Variants in RPRD2 observed in about 807,000 individuals in gnomAD.
RPRD2 encodes the protein regulation of nuclear pre-mRNA domain containing 2.
RPRD2 carries 12 observed loss-of-function variants against 104.4 expected under a neutral mutation model. The observed-to-expected ratio is 0.11, with a 90% CI of 0.07 to 0.19. RPRD2 has a LOEUF of 0.19. RPRD2 is among the 10% of genes least tolerant of loss of function. The probability of loss-of-function intolerance (pLI) is 1.00; values close to 1 mark genes in which losing one functional copy is unlikely to be tolerated. For synonymous variants in RPRD2, 714 were observed against 684.9 expected, an observed-to-expected ratio of 1.04 and a Z score of -0.66; for missense variants, 1,543 against 1,790.1, an observed-to-expected ratio of 0.86 and a Z score of 2.49.
chr1:150,384,012 G>A (rs1553881302), intron 1 of RPRD2, among the ~76,000 whole-genome samples: 1 of 152,114 alleles, frequency 6.6e-6, no homozygotes, highest in Non-Finnish European at 1.5e-5. Flanking sequence ...CAAAGTTTAG[G>A]AACTACCAAA....
At chr1:150,394,630 C>T (rs1471989591) in intron 1 of RPRD2, among the ~76,000 whole-genome samples, 3 of 151,364 alleles carry the variant, frequency 2.0e-5, no homozygotes, top group Non-Finnish European at 4.4e-5. Context: ...CTTGCTCTGT[C>T]GCCCAGGCTG....
chr1:150,443,851 A>T (rs1287867275), intron 5 of RPRD2, among the ~76,000 whole-genome samples: 1 of 69,160 alleles, frequency 1.4e-5, no homozygotes, highest in East Asian at 3.3e-4. Flanking sequence ...TAAAAATTAA[A>T]AAAAAAAAAA....
intron 5 of RPRD2, 92 bp from the exon 6 acceptor site, chr1:150,444,159 T>G: frequency 7.6e-7 from 1 of 1,307,886 alleles, no homozygotes. Context: ...TTTGTTTTGT[T>G]TTGTTTTGTT....
intron 7 of RPRD2, among the ~76,000 whole-genome samples, chr1:150,452,947 G>A (rs147210205): frequency 6.6e-6 from 1 of 152,034 alleles, no homozygotes; most frequent in African/African-American, 2.4e-5. Context: ...TGAGATTACA[G>A]GCGTGAGCCA....
At chr1:150,423,981 G>A (rs922029211) in intron 2 of RPRD2, among the ~76,000 whole-genome samples, 3 of 151,738 alleles carry the variant, frequency 2.0e-5, no homozygotes, top group Admixed American at 1.3e-4. Flanking sequence ...CAGTAGAGAC[G>A]GGGTTTCTCC....
chr1:150,455,231 C>T (rs782420507), intron 7 of RPRD2, among the ~76,000 whole-genome samples: 12 of 152,162 alleles, frequency 7.9e-5, no homozygotes, highest in Non-Finnish European at 1.5e-4. Flanking sequence ...AGGCCGGGCG[C>T]GATGGCTTAC....
At chr1:150,464,754 G>A (rs782796848) in intron 10 of RPRD2, 27 bp downstream of exon 10, 32 of 1,551,544 alleles carry the variant, frequency 2.1e-5, no homozygotes, top group East Asian at 1.4e-4. Context: ...AGAGGGACTC[G>A]AATTGTGAAT....
At position 150,402,591 on chromosome 1, in the gene RPRD2, A is replaced by G. The variant is rs1012571949; in HGVS notation, c.206-15005A>G. Among the ~76,000 whole-genome samples, 4 of 152,282 alleles carry G rather than the reference A, an allele frequency of 2.6e-5. No homozygotes were observed. The East Asian group carries it at 5.8e-4, about 22-fold the overall frequency. On this transcript the variant is annotated intron_variant, in intron 1 of 10. Transcript: ENST00000369068. ...CTCAGGTGACTGAGATGGAAGGATC[A>G]CTTAAGCCCAAGAGGTTGAGGCTGC...
At chr1:150,464,298 C>G (rs1043489950) in intron 9 of RPRD2, among the ~76,000 whole-genome samples, 51 of 151,904 alleles carry the variant, frequency 3.4e-4, no homozygotes, top group Non-Finnish European at 2.6e-4. Context: ...TGTGAGCCAC[C>G]TCGCCCGGCC....
At chr1:150,443,409 A>AC in intron 5 of RPRD2, 126 bp downstream of exon 5, 1 of 701,942 alleles carries the variant, frequency 1.4e-6, no homozygotes, top group Admixed American at 2.8e-5. Context: ...ACATGCATGA[A>AC]CTGTTCTAAA....
chr1:150,378,874 T>C (rs1036818718), intron 1 of RPRD2, among the ~76,000 whole-genome samples: 3 of 150,156 alleles, frequency 2.0e-5, no homozygotes, highest in Non-Finnish European at 4.4e-5. Context: ...TCCCAACCAC[T>C]TGGGAGGCTG....
At position 150,364,311 on chromosome 1, in the gene RPRD2, A is replaced by C. The variant is rs1335054392; in HGVS notation, c.-404A>C. On this transcript the variant is annotated 5_prime_UTR_variant, in exon 1 of 11. Transcript: ENST00000369068. Reference sequence around the variant, plus strand: ...GATATTAACGCCCGACCTGGCTCACAGGAGTGTGGGAACAGGGGCGGGGAA... The same window carrying C: ...GATATTAACGCCCGACCTGGCTCACCGGAGTGTGGGAACAGGGGCGGGGAA... Among the ~76,000 whole-genome samples the C allele has an allele frequency of 2.0e-5, 3 of 152,186 alleles. No homozygotes were observed. The East Asian group carries it at 5.8e-4, about 29-fold the overall frequency.
In RPRD2 at chr1:150,373,806, T is replaced by A. The variant is rs112607049; in HGVS notation, c.205+8887T>A. ...ATAGCGTGTCTAGTATATGGATTGTTTTTAGAGCCAGGAAGCTGGAAGAGA... is the reference window on the plus strand; with the variant it reads ...ATAGCGTGTCTAGTATATGGATTGTATTTAGAGCCAGGAAGCTGGAAGAGA... On this transcript the variant is annotated intron_variant, in intron 1 of 10. Transcript: ENST00000369068. Among the ~76,000 whole-genome samples the A allele has an allele frequency of 7.2e-5, 11 of 152,284 alleles. 1 individual carries two copies. Among genetic ancestry groups the A allele is most frequent in the African/African-American group, 2.6e-4 (11 of 41,550 alleles).
At chr1:150,436,325 G>A (rs1553893073) in intron 2 of RPRD2, among the ~76,000 whole-genome samples, 1 of 152,174 alleles carries the variant, frequency 6.6e-6, no homozygotes, top group Non-Finnish European at 1.5e-5. Context: ...AAACCGGCCG[G>A]GCATGGTGGC....
At chr1:150,444,718 T>C (rs1553895248) in intron 6 of RPRD2, among the ~76,000 whole-genome samples, 2 of 152,244 alleles carry the variant, frequency 1.3e-5, no homozygotes, top group Non-Finnish European at 2.9e-5. Flanking sequence ...TAAATCATAC[T>C]AATAATTTAT....
intron 7 of RPRD2, among the ~76,000 whole-genome samples, chr1:150,450,441 C>A (rs1667076240): frequency 1.3e-5 from 2 of 151,102 alleles, no homozygotes; most frequent in South Asian, 4.2e-4. Context: ...CCCGTCTCTA[C>A]TAAAAATTAA....
chr1:150,433,365 C>T (rs587647375), intron 2 of RPRD2, among the ~76,000 whole-genome samples: 16 of 148,684 alleles, frequency 1.1e-4, no homozygotes, highest in African/African-American at 3.9e-4. Flanking sequence ...CAGACAGACC[C>T]TCTCTCTCTC....
intron 1 of RPRD2, among the ~76,000 whole-genome samples, chr1:150,413,890 G>T (rs587603398): frequency 6.7e-6 from 1 of 148,576 alleles, no homozygotes; most frequent in Non-Finnish European, 1.5e-5. Flanking sequence ...ATGCCATTGC[G>T]CTCCAGCCTG....
At chr1:150,445,686 T>C (rs1553895360) in intron 6 of RPRD2, among the ~76,000 whole-genome samples, 1 of 152,200 alleles carries the variant, frequency 6.6e-6, no homozygotes, top group African/African-American at 2.4e-5. Flanking sequence ...TACAAGTGCC[T>C]TCACTCTGGC....
Sources: allele counts gnomAD v4.1 joint callset (sites outside exome capture counted in the v4.1 genomes callset), GRCh38; gene constraint gnomAD v4.1.1; transcripts MANE v1.5; gene names NCBI Gene and HGNC (gene_info 2026-07-23, HGNC 2026-07-21).